Variants in STX2 observed in about 807,000 individuals in gnomAD.
The protein encoded by STX2 is syntaxin-2.
Under a neutral mutation model 40.6 loss-of-function variants are expected in STX2, and 27 were observed. That is an observed-to-expected ratio of 0.66 (90% CI 0.49 to 0.92). The LOEUF is 0.92. STX2 is among the 40% of genes least tolerant of loss of function. The probability of loss-of-function intolerance (pLI) is 0.00; values close to 1 mark genes in which losing one functional copy is unlikely to be tolerated. For missense variants in STX2, 328 were observed against 366.1 expected (o/e 0.90, Z 0.85); for synonymous variants, 123 against 119.1 (o/e 1.03, Z -0.22).
At position 130,801,181 on chromosome 12, in the gene STX2, A is replaced by C. The variant is rs199796257; in HGVS notation, c.647T>G (p.Met216Arg). 6.2e-7 allele frequency: 1 copy of C among 1,613,796 alleles called. No individual in the cohort carries two copies. The highest frequency in any genetic ancestry group is 8.5e-7 in the Non-Finnish European group (1 of 1,179,760). Residue 216 changes from methionine (M) to arginine (R), a missense_variant, in exon 8 of 11, where the codon ATG (methionine) becomes AGG (arginine). Transcript: ENST00000392373. ...TSIRELHEMFMDMAMFVETQG... is the reference protein window; with the variant it reads ...TSIRELHEMFRDMAMFVETQG... ...AGTCTCCACAAACATAGCCATGTCC[A>C]TGAACATCTCATGCAACTCTCGGAT...
chr12:130,805,972 TG>T (rs1951416890), intron 6 of STX2, among the ~76,000 whole-genome samples: 1 of 151,966 alleles, frequency 6.6e-6, no homozygotes, highest in Non-Finnish European at 1.5e-5. Context: ...AGTTGTACAG[TG>T]GGGAGCAACA....
intron 1 of STX2, among the ~76,000 whole-genome samples, chr12:130,828,707 A>C (rs1952428880): frequency 6.6e-6 from 1 of 151,542 alleles, no homozygotes; most frequent in Admixed American, 6.6e-5. Flanking sequence ...TCTACTAAAA[A>C]TACAAAAAAA....
chr12:130,793,203 G>C lies in STX2; in HGVS notation c.*46-1226C>G, dbSNP rs900606896. ...AGCCTCCCAGTGACTCCTCAGGACC[G>C]GGGAGAGCTGCCTGCAGGAGGGCCC... is the stretch of plus-strand genomic sequence containing the variant. On this transcript the variant is annotated intron_variant, in intron 10 of 10. Transcript: ENST00000392373. 3.3e-5 allele frequency among the ~76,000 whole-genome samples: 5 copies of C among 152,230 alleles called. No homozygotes were observed. In the East Asian group the frequency reaches 9.7e-4, roughly 30 times the overall value.
intron 1 of STX2, 58 bp from the exon 2 acceptor site, chr12:130,827,325 G>T: frequency 5.1e-6 from 7 of 1,372,346 alleles, no homozygotes; most frequent in Non-Finnish European, 6.2e-6. Flanking sequence ...CACAAATAGC[G>T]AACTGAAATA....
chr12:130,818,185 A>AAAAAAAAAATATATAT, intron 3 of STX2, among the ~76,000 whole-genome samples: 53 of 70,528 alleles, frequency 7.5e-4, no homozygotes, highest in Non-Finnish European at 9.8e-4. Flanking sequence ...AAAAAAAAAA[A>AAAAAAAAAATATATAT]ATATATATAT....
chr12:130,798,073 C>A (rs1283458616), intron 9 of STX2, among the ~76,000 whole-genome samples: 1 of 152,096 alleles, frequency 6.6e-6, no homozygotes, highest in Non-Finnish European at 1.5e-5. Context: ...CATGGTGAAA[C>A]CCTCTCTCTA....
chr12:130,827,270 A>G lies in STX2; in HGVS notation c.31-3T>C. 3.7e-6 allele frequency: 6 copies of G among 1,612,362 alleles called. No individual in the cohort carries two copies. Among genetic ancestry groups the G allele is most frequent in the Non-Finnish European group, 5.1e-6 (6 of 1,178,926 alleles). ...TCTCCATCATCATTCTTCCTACACT[A>G]CAATGAAAAATGGAAAATTCAGTTT... On this transcript the variant is annotated splice_region_variant and splice_polypyrimidine_tract_variant and intron_variant, in intron 1 of 10. Transcript: ENST00000392373.
Position 130,818,185 on chromosome 12 carries a change from A to AAAAATATATATATAT in STX2, c.205+3503_205+3504insATATATATATATTTT. On this transcript the variant is annotated intron_variant, in intron 3 of 10. Coordinates refer to ENST00000392373, the MANE Select transcript of STX2 (RefSeq NM_194356.4). ...GCTGTTTCTACAAAAAAAAAAAAAA[A>AAAAATATATATATAT]ATATATATATATATATATATATATA... Among the ~76,000 whole-genome samples the AAAAATATATATATAT allele has an allele frequency of 4.5e-4, 32 of 70,494 alleles. 1 individual carries two copies. Among genetic ancestry groups the AAAAATATATATATAT allele is most frequent in the African/African-American group, 1.7e-3 (14 of 8,412 alleles). The allele number at this position is 70,494 out of a possible 152,430, so 46.2% of individuals were successfully genotyped here.
intron 9 of STX2, among the ~76,000 whole-genome samples, chr12:130,796,822 A>T (rs1180513124): frequency 6.6e-6 from 1 of 151,962 alleles, no homozygotes; most frequent in Non-Finnish European, 1.5e-5. Context: ...TCCTTCTTTT[A>T]TGTTCTTGGC....
In STX2 at chr12:130,834,949, A is replaced by C. The variant is rs143622742; in HGVS notation, c.30+4121T>G. ...CGTGGACAAACATGAGCTGTCAAAA[A>C]ATAACTTTTAAAAATATCTGAGCAG... On this transcript the variant is annotated intron_variant, in intron 1 of 10. Coordinates refer to ENST00000392373, the MANE Select transcript of STX2 (RefSeq NM_194356.4). Among the ~76,000 whole-genome samples the C allele has an allele frequency of 4.1e-3, 627 of 152,352 alleles. 3 individuals carry two copies. Among genetic ancestry groups the C allele is most frequent in the Middle Eastern group, 0.02 (6 of 294 alleles).
chr12:130,839,182 C>T lies in STX2; in HGVS notation c.-83G>A. The T allele has an allele frequency of 9.0e-7, 1 of 1,108,424 alleles. No individual in the cohort carries two copies. The highest frequency in any genetic ancestry group is 1.1e-6 in the Non-Finnish European group (1 of 905,660). The allele number at this position is 1,108,424 out of a possible 1,614,324, so 68.7% of individuals were successfully genotyped here. On this transcript the variant is annotated 5_prime_UTR_variant, in exon 1 of 11. Coordinates refer to ENST00000392373, the MANE Select transcript of STX2 (RefSeq NM_194356.4). The stretch of plus-strand genomic sequence containing the variant: ...CGGGCCTCGGGCTCTCCGGTCTCCG[C>T]CTCAGGCCCCGCGGTCCCGGCCCGG...
In STX2 at chr12:130,799,900, C is replaced by T. The variant is rs529665757; in HGVS notation, c.675+1253G>A. On this transcript the variant is annotated intron_variant, in intron 8 of 10. Coordinates refer to ENST00000392373, the MANE Select transcript of STX2 (RefSeq NM_194356.4). ...TTCTTCAAAATACAGTGTTTCTTAA[C>T]AAGGTTGCTGAAGCAGGCAGGAACA... 8.6e-5 allele frequency among the ~76,000 whole-genome samples: 13 copies of T among 151,924 alleles called. No individual in the cohort carries two copies. The South Asian group carries it at 2.5e-3, about 29-fold the overall frequency.
At chr12:130,817,956 G>A (rs1951923745) in intron 3 of STX2, among the ~76,000 whole-genome samples, 1 of 151,838 alleles carries the variant, frequency 6.6e-6, no homozygotes, top group South Asian at 2.1e-4. Flanking sequence ...GCCTGTGGTG[G>A]GGGCAGCTGG....
chr12:130,820,279 C>G (rs1354941733), intron 3 of STX2, among the ~76,000 whole-genome samples: 1 of 152,150 alleles, frequency 6.6e-6, no homozygotes, highest in East Asian at 1.9e-4. Flanking sequence ...CAGAGAATAT[C>G]AGAATTAATA....
chr12:130,834,847 A>C (rs1952703213), intron 1 of STX2, among the ~76,000 whole-genome samples: 1 of 152,222 alleles, frequency 6.6e-6, no homozygotes, highest in Non-Finnish European at 1.5e-5. Context: ...TTAGTATTTT[A>C]AGTTCCAGTG....
chr12:130,802,256 G>T (rs1336928412), intron 6 of STX2, among the ~76,000 whole-genome samples: 1 of 152,160 alleles, frequency 6.6e-6, no homozygotes, highest in African/African-American at 2.4e-5. Flanking sequence ...GGAGTGCAGG[G>T]GCACCGTCGC....
chr12:130,809,605 C>T (rs1351343865), intron 4 of STX2, among the ~76,000 whole-genome samples: 1 of 152,064 alleles, frequency 6.6e-6, no homozygotes, highest in African/African-American at 2.4e-5. Context: ...TCACTTGAGG[C>T]CAGGGGTTCG....
intron 3 of STX2, among the ~76,000 whole-genome samples, chr12:130,817,092 A>T (rs1205470950): frequency 3.3e-5 from 5 of 152,108 alleles, no homozygotes; most frequent in Non-Finnish European, 7.4e-5. Context: ...AATCAAAAAT[A>T]ACCAGGCAAA....
intron 9 of STX2, among the ~76,000 whole-genome samples, chr12:130,797,434 T>C (rs1442619140): frequency 6.6e-6 from 1 of 152,188 alleles, no homozygotes; most frequent in African/African-American, 2.4e-5. Flanking sequence ...ATGACGAGCA[T>C]ACTTAGACAT....
Sources: gnomAD v4.1 joint callset for allele counts (sites outside exome capture counted in the v4.1 genomes callset) on GRCh38, gnomAD v4.1.1 for gene constraint, MANE v1.5 for transcripts, NCBI Gene and HGNC (gene_info 2026-07-23, HGNC 2026-07-21) for gene names.